POT1: variants seen among roughly 807,000 people sequenced by gnomAD.
POT1 encodes the protein protection of telomeres protein 1.
In POT1, 47 loss-of-function variants were observed where a neutral mutation model predicts 78.5. That is an observed-to-expected ratio of 0.60 (90% CI 0.47 to 0.76). POT1 has a LOEUF of 0.76. Among genes scored for constraint, POT1 ranks in the 30% least tolerant of loss-of-function variants. The pLI is 0.00. For missense variants in POT1, 646 were observed against 749.9 expected (o/e 0.86, Z 1.62); for synonymous variants, 259 against 260.7 (o/e 0.99, Z 0.06).
intron 6 of POT1, among the ~76,000 whole-genome samples, chr7:124,875,755 T>G (rs1400341665): frequency 6.6e-6 from 1 of 152,200 alleles, no homozygotes; most frequent in Non-Finnish European, 1.5e-5. Context: ...AAAATATTTC[T>G]GAAAACAGAG....
chr7:124,835,307 G>A lies in POT1; in HGVS notation c.1477C>T (p.Leu493Phe). Residue 493 changes from leucine to phenylalanine, a missense_variant, in exon 15 of 19, where the codon CTT becomes TTT. Physicochemically the swap from Leu to Phe is conservative, Grantham distance 22. Around this residue, in one of 2 missense-constraint regions of POT1, gnomAD observed 394 missense variants for 408.4 expected, o/e 0.96. Coordinates refer to ENST00000357628, the MANE Select transcript of POT1 (RefSeq NM_015450.3). Reference protein sequence around the residue: ...LELLDLSAPFLIQGTIHHYGC... With the variant: ...LELLDLSAPFFIQGTIHHYGC... Reference sequence around the variant, plus strand: ...TAGTGATGTATTGTTCCTTGTATAAGAAATGGTGCTGAAAGGTCCAAAAGT... The same window carrying A: ...TAGTGATGTATTGTTCCTTGTATAAAAAATGGTGCTGAAAGGTCCAAAAGT... 6.2e-7 allele frequency: 1 copy of A among 1,614,020 alleles called. No individual in the cohort carries two copies. The highest frequency in any genetic ancestry group is 8.5e-7 in the Non-Finnish European group (1 of 1,179,930).
intron 5 of POT1, among the ~76,000 whole-genome samples, chr7:124,895,055 T>C (rs1008709544): frequency 1.1e-4 from 16 of 151,584 alleles, no homozygotes; most frequent in African/African-American, 3.6e-4. Context: ...AAAATACTTG[T>C]TGAGGGTTTT....
chr7:124,863,237 G>A, intron 8 of POT1, 113 bp downstream of exon 8: 4 of 1,026,960 alleles, frequency 3.9e-6, no homozygotes. Context: ...TAAAATTTAA[G>A]TTCCTAGTAT....
chr7:124,843,857 T>C (rs1449083353), intron 12 of POT1, among the ~76,000 whole-genome samples: 1 of 152,200 alleles, frequency 6.6e-6, no homozygotes, highest in Non-Finnish European at 1.5e-5. Flanking sequence ...TTGAATTAGT[T>C]TTCCTTCAAG....
chr7:124,846,532 GGAGCTC>G (rs989024281), intron 12 of POT1, among the ~76,000 whole-genome samples: 3 of 151,926 alleles, frequency 2.0e-5, no homozygotes, highest in African/African-American at 7.3e-5. Context: ...CATATTGCAA[GGAGCTC>G]CTTTATGGTA....
chr7:124,862,269 A>G (rs1243287587), intron 8 of POT1, among the ~76,000 whole-genome samples: 1 of 152,156 alleles, frequency 6.6e-6, no homozygotes, highest in Non-Finnish European at 1.5e-5. Context: ...GAATTTAAGA[A>G]TTTTCTAAAA....
At chr7:124,843,994 T>G (rs1029816139) in intron 12 of POT1, among the ~76,000 whole-genome samples, 1 of 152,220 alleles carries the variant, frequency 6.6e-6, no homozygotes, top group Non-Finnish European at 1.5e-5. Flanking sequence ...AAGATACTTC[T>G]GTGACAAATG....
chr7:124,874,987 T>A (rs980252710), intron 6 of POT1, among the ~76,000 whole-genome samples: 13 of 152,188 alleles, frequency 8.5e-5, no homozygotes, highest in Admixed American at 7.2e-4. Flanking sequence ...ATAAGCACTT[T>A]CAGAAAGAGT....
chr7:124,837,206 T>C (rs1032355555), intron 14 of POT1: 4 of 310,650 alleles, frequency 1.3e-5, no homozygotes, highest in Non-Finnish European at 2.5e-5. Context: ...TATATCCAGC[T>C]TACAGAAGAA....
chr7:124,875,816 C>T (rs1795977797), intron 6 of POT1, among the ~76,000 whole-genome samples: 1 of 152,142 alleles, frequency 6.6e-6, no homozygotes, highest in Admixed American at 6.5e-5. Context: ...AATGATTTCA[C>T]CATACGTTAT....
At chr7:124,833,452 C>G (rs17147606) in intron 15 of POT1, among the ~76,000 whole-genome samples, 3,831 of 152,164 alleles carry the variant, frequency 0.025, 157 homozygotes, top group African/African-American at 0.087. Flanking sequence ...ATGTTATAAT[C>G]CAAGGTTTCT....
intron 11 of POT1, chr7:124,848,548 C>T (rs571529048): frequency 6.0e-4 from 99 of 164,596 alleles, no homozygotes; most frequent in Non-Finnish European, 8.6e-4. Flanking sequence ...ACCTGTAATC[C>T]CAGCTACTTG....
At chr7:124,842,039 A>G (rs967030700) in intron 13 of POT1, among the ~76,000 whole-genome samples, 7 of 152,000 alleles carry the variant, frequency 4.6e-5, no homozygotes, top group African/African-American at 1.7e-4. Context: ...ATGAACACAG[A>G]TACTCACAAT....
intron 6 of POT1, among the ~76,000 whole-genome samples, chr7:124,881,285 A>G (rs370368695): frequency 6.6e-6 from 1 of 152,024 alleles, no homozygotes; most frequent in Non-Finnish European, 1.5e-5. Context: ...AGTGCCACGT[A>G]TCAGGTTTCT....
chr7:124,835,419 TAAG>T lies in POT1; in HGVS notation c.1370-8_1370-6del, dbSNP rs1158098049. 20 of 1,609,486 alleles carry T rather than the reference TAAG, an allele frequency of 1.2e-5. No individual in the cohort carries two copies. The highest frequency in any genetic ancestry group is 1.6e-5 in the Non-Finnish European group (19 of 1,175,960). Reference sequence around the variant, plus strand: ...AAATTTCACTGAGTGTACCTCCTGTTAAGAGAATAAATAAATCCTTCAAGTAGT... The same window carrying T: ...AAATTTCACTGAGTGTACCTCCTGTTAGAATAAATAAATCCTTCAAGTAGT... On this transcript the variant is annotated splice_region_variant and splice_polypyrimidine_tract_variant and intron_variant, in intron 14 of 18. Coordinates refer to ENST00000357628, the MANE Select transcript of POT1 (RefSeq NM_015450.3).
intron 7 of POT1, among the ~76,000 whole-genome samples, chr7:124,868,418 T>C (rs1396978280): frequency 6.6e-6 from 1 of 152,142 alleles, no homozygotes; most frequent in Non-Finnish European, 1.5e-5. Context: ...TTGCCTTAAA[T>C]TATTAAGCAA....
intron 11 of POT1, among the ~76,000 whole-genome samples, chr7:124,848,064 A>C (rs1314327141): frequency 1.3e-5 from 2 of 152,238 alleles, no homozygotes; most frequent in African/African-American, 2.4e-5. Context: ...TGATATATGC[A>C]ACAATGTGAT....
chr7:124,891,413 A>C (rs6965993), intron 6 of POT1, among the ~76,000 whole-genome samples: 1,776 of 151,282 alleles, frequency 0.012, 42 homozygotes, highest in African/African-American at 0.039. Flanking sequence ...CCTTAAATCT[A>C]AGGTGAGTTT....
rs1243926615 is a variant in POT1 at position 124,842,823 on chromosome 7, G to T, written c.1147C>A (p.Pro383Thr). The change falls in exon 13 of 19, where the codon CCT becomes ACT. Residue 383 changes from proline to threonine, a missense_variant. Transcript: ENST00000357628. ...AATACTCACAGCAAATGACATTTAGGGCAATGAAGTTTAACAGACTGAAAT... is the reference window on the plus strand; with the variant it reads ...AATACTCACAGCAAATGACATTTAGTGCAATGAAGTTTAACAGACTGAAAT... ...RLFQSVKLHC[P>T]KCHLLQEVPH... The T allele has an allele frequency of 6.3e-7, 1 of 1,598,508 alleles. No homozygotes were observed. The highest frequency in any genetic ancestry group is 1.1e-5 in the South Asian group (1 of 87,038).
Sources: allele counts gnomAD v4.1 joint callset (sites outside exome capture counted in the v4.1 genomes callset), GRCh38; gene constraint gnomAD v4.1.1; regional missense constraint gnomAD v4.1.1; transcripts MANE v1.5; gene names NCBI Gene and HGNC (gene_info 2026-07-23, HGNC 2026-07-21).